Variants in KCNJ6 observed in about 807,000 individuals in gnomAD.
KCNJ6 encodes potassium inwardly rectifying channel subfamily J member 6.
A neutral mutation model predicts 34.2 loss-of-function variants in KCNJ6; 9 were observed. The ratio of observed to expected loss-of-function variants is 0.26; its 90% confidence interval spans 0.16 to 0.46. The LOEUF is 0.46. KCNJ6 is among the 20% of genes least tolerant of loss of function. The pLI, the probability that KCNJ6 is intolerant of heterozygous loss-of-function variation, is 1.00. For synonymous variants in KCNJ6, 196 were observed against 207.1 expected, an observed-to-expected ratio of 0.95 and a Z score of 0.46; for missense variants, 236 against 531.3, an observed-to-expected ratio of 0.44 and a Z score of 5.46.
chr21:37,857,858 G>GT (rs1351019164), intron 1 of KCNJ6, among the ~76,000 whole-genome samples: 1 of 152,150 alleles, frequency 6.6e-6, no homozygotes, highest in Non-Finnish European at 1.5e-5. Context: ...AGTGAATATA[G>GT]TAAGTGAATA....
intron 3 of KCNJ6, among the ~76,000 whole-genome samples, chr21:37,668,975 C>T (rs1343011400): frequency 6.6e-6 from 1 of 152,128 alleles, no homozygotes; most frequent in Non-Finnish European, 1.5e-5. Flanking sequence ...TCCAGGCCCT[C>T]CCAATCCAGA....
chr21:37,650,955 A>G (rs1483818511), intron 3 of KCNJ6, among the ~76,000 whole-genome samples: 2 of 152,246 alleles, frequency 1.3e-5, no homozygotes, highest in Non-Finnish European at 2.9e-5. Context: ...CTTGAATTAT[A>G]ATAGCACTTA....
chr21:37,793,893 T>C (rs555617996), intron 2 of KCNJ6, among the ~76,000 whole-genome samples: 1 of 152,320 alleles, frequency 6.6e-6, no homozygotes, highest in East Asian at 1.9e-4. Flanking sequence ...TTACCATAAA[T>C]GGAAGGCAGG....
intron 2 of KCNJ6, among the ~76,000 whole-genome samples, chr21:37,744,217 A>G (rs1034324144): frequency 3.8e-4 from 57 of 151,582 alleles, no homozygotes; most frequent in African/African-American, 1.4e-3. Flanking sequence ...ATGCTAAATG[A>G]CGAGTTAATG....
At chr21:37,636,308 G>A (rs1421486812) in intron 3 of KCNJ6, among the ~76,000 whole-genome samples, 1 of 152,204 alleles carries the variant, frequency 6.6e-6, no homozygotes, top group Admixed American at 6.5e-5. Flanking sequence ...GGTATCCCCA[G>A]CGCAGTCAAA....
chr21:37,717,462 C>A (rs2054799204), intron 2 of KCNJ6, among the ~76,000 whole-genome samples: 1 of 151,864 alleles, frequency 6.6e-6, no homozygotes, highest in African/African-American at 2.4e-5. Flanking sequence ...CCATGTCCTT[C>A]TCACTGGAGG....
chr21:37,661,147 C>T (rs1040840545), intron 3 of KCNJ6, among the ~76,000 whole-genome samples: 2 of 152,164 alleles, frequency 1.3e-5, no homozygotes, highest in Non-Finnish European at 2.9e-5. Flanking sequence ...GCTTTTCTAA[C>T]TATGAGTAAC....
At chr21:37,747,970 C>G (rs1028732749) in intron 2 of KCNJ6, among the ~76,000 whole-genome samples, 1 of 152,194 alleles carries the variant, frequency 6.6e-6, no homozygotes, top group African/African-American at 2.4e-5. Context: ...AGTCACAGGG[C>G]TGAGACCTTG....
intron 3 of KCNJ6, among the ~76,000 whole-genome samples, chr21:37,676,824 T>C (rs2054567038): frequency 6.6e-6 from 1 of 152,072 alleles, no homozygotes; most frequent in South Asian, 2.1e-4. Context: ...CAACAGAGAG[T>C]GACCTGGCTC....
intron 2 of KCNJ6, among the ~76,000 whole-genome samples, chr21:37,779,509 C>T (rs1216833116): frequency 6.6e-6 from 1 of 152,154 alleles, no homozygotes; most frequent in Non-Finnish European, 1.5e-5. Flanking sequence ...CCATAGACCC[C>T]ATTGCACTTC....
At chr21:37,644,213 G>A (rs540251684) in intron 3 of KCNJ6, among the ~76,000 whole-genome samples, 1 of 152,232 alleles carries the variant, frequency 6.6e-6, no homozygotes, top group South Asian at 2.1e-4. Flanking sequence ...AACACACACT[G>A]GGGCCTGGTG....
chr21:37,623,335 C>T lies in KCNJ6; in HGVS notation c.*1824G>A, dbSNP rs1346526126. ...ATCAGGTCAGGGAAGGCAAGGGAAA[C>T]AAAGAGGGACAGCTAGTTTGATCTC... On this transcript the variant is annotated 3_prime_UTR_variant, in exon 4 of 4. Coordinates refer to ENST00000609713, the MANE Select transcript of KCNJ6 (RefSeq NM_002240.5). 1 of 152,170 alleles carries T rather than the reference C, an allele frequency of 6.6e-6. No individual in the cohort carries two copies. The highest frequency in any genetic ancestry group is 2.4e-5 in the African/African-American group (1 of 41,428). 9.4% of individuals were successfully genotyped at this position (152,170 alleles called of 1,614,324 possible). A position where few individuals can be genotyped will look rare whatever the true frequency, so the allele number is the denominator to read the frequency against.
intron 1 of KCNJ6, among the ~76,000 whole-genome samples, chr21:37,874,941 GC>G (rs2055670317): frequency 6.6e-6 from 1 of 152,156 alleles, no homozygotes; most frequent in Non-Finnish European, 1.5e-5. Flanking sequence ...ACTATTCTCA[GC>G]ACAGCAAGCC....
intron 1 of KCNJ6, among the ~76,000 whole-genome samples, chr21:37,858,600 C>G (rs569507096): frequency 1.3e-5 from 2 of 152,166 alleles, no homozygotes; most frequent in South Asian, 4.1e-4. Flanking sequence ...AACAGACTAT[C>G]TTTAGCCTTC....
At chr21:37,822,135 A>C (rs1040188551) in intron 2 of KCNJ6, among the ~76,000 whole-genome samples, 4 of 152,206 alleles carry the variant, frequency 2.6e-5, no homozygotes, top group African/African-American at 7.2e-5. Flanking sequence ...AGCTTCCCAG[A>C]GTTGCTGTTT....
chr21:37,818,207 CGTGCGTGT>C lies in KCNJ6; in HGVS notation c.25+22443_25+22450del, dbSNP rs886744053. 4.3e-4 allele frequency among the ~76,000 whole-genome samples: 35 copies of C among 81,044 alleles called. 1 individual carries two copies. In the East Asian group the frequency reaches 0.012, roughly 28 times the overall value. 53.2% of individuals were successfully genotyped at this position (81,044 alleles called of 152,430 possible). A position where few individuals can be genotyped will look rare whatever the true frequency, so the allele number is the denominator to read the frequency against. On this transcript the variant is annotated intron_variant, in intron 2 of 3. Transcript: ENST00000609713. ...GCTTAAAAGTGCGTGTGTGTGTGTG[CGTGCGTGT>C]GTGTGTGTGTGTGTGTGTGTGTGTG...
intron 2 of KCNJ6, among the ~76,000 whole-genome samples, chr21:37,764,989 T>A (rs2055084043): frequency 6.6e-6 from 1 of 152,204 alleles, no homozygotes; most frequent in East Asian, 1.9e-4. Context: ...TACTGGCCTA[T>A]GAGAGCCAAT....
intron 2 of KCNJ6, among the ~76,000 whole-genome samples, chr21:37,824,959 G>A (rs1189610638): frequency 6.6e-6 from 1 of 151,860 alleles, no homozygotes; most frequent in Non-Finnish European, 1.5e-5. Flanking sequence ...CTTGGCTTTC[G>A]TGGGTTTACT....
At position 37,617,175 on chromosome 21, in the gene KCNJ6, TCC is replaced by T. The variant is rs2054275029; in HGVS notation, c.*7982_*7983del. The T allele has an allele frequency of 9.5e-6, 1 of 105,358 alleles. No individual in the cohort carries two copies. The highest frequency in any genetic ancestry group is 2.9e-4 in the South Asian group (1 of 3,426). The allele number at this position is 105,358 out of a possible 1,614,324, so 6.5% of individuals were successfully genotyped here. On this transcript the variant is annotated 3_prime_UTR_variant, in exon 4 of 4. Coordinates refer to ENST00000609713, the MANE Select transcript of KCNJ6 (RefSeq NM_002240.5). ...TCCTTCTTTCTTTATCTTTTTTCCT[TCC>T]TTCCTTCCTTCCTTCCTTCCTTCCT...
Sources: allele counts gnomAD v4.1 joint callset (sites outside exome capture counted in the v4.1 genomes callset), GRCh38; gene constraint gnomAD v4.1.1; transcripts MANE v1.5; gene names NCBI Gene and HGNC (gene_info 2026-07-23, HGNC 2026-07-21).